RBFOX1: variants seen among roughly 807,000 people sequenced by gnomAD.
RBFOX1 encodes RNA binding protein fox-1 homolog 1.
A neutral mutation model predicts 57.7 loss-of-function variants in RBFOX1; 8 were observed. That is an observed-to-expected ratio of 0.14 (90% CI 0.08 to 0.25). The LOEUF (loss-of-function observed/expected upper bound fraction) is 0.25, where lower values mean the gene tolerates loss of function less well. Ranked by LOEUF, RBFOX1 falls within the 10% of genes least tolerant of loss-of-function variation. RBFOX1 has a pLI of 1.00. For missense variants in RBFOX1, 611 were observed against 548.5 expected (o/e 1.11, Z -1.14); for synonymous variants, 326 against 222.4 (o/e 1.47, Z -4.15).
intron 4 of RBFOX1, among the ~76,000 whole-genome samples, chr16:5,917,354 T>C (rs2058728456): frequency 6.6e-6 from 1 of 152,238 alleles, no homozygotes; most frequent in Non-Finnish European, 1.5e-5. Context: ...CTAAGCACTT[T>C]ATGTGCATCT....
chr16:5,538,263 A>G (rs532121711), intron 2 of RBFOX1, among the ~76,000 whole-genome samples: 1 of 152,334 alleles, frequency 6.6e-6, no homozygotes, highest in East Asian at 1.9e-4. Flanking sequence ...GAAAAAGTCA[A>G]TAAGCCCTTT....
At chr16:5,280,095 T>C (rs370096497) in intron 1 of RBFOX1, among the ~76,000 whole-genome samples, 4 of 152,362 alleles carry the variant, frequency 2.6e-5, no homozygotes, top group African/African-American at 9.6e-5. Context: ...CCTTTTCTTA[T>C]GTTGAAGTGT....
chr16:6,311,788 A>G (rs1345946565), intron 1 of RBFOX1, among the ~76,000 whole-genome samples: 2 of 152,078 alleles, frequency 1.3e-5, no homozygotes, highest in Admixed American at 6.5e-5. Flanking sequence ...GAGGGCTTCT[A>G]TCTCCAATCT....
chr16:7,501,907 A>C (rs913029685), intron 4 of RBFOX1, among the ~76,000 whole-genome samples: 1 of 152,134 alleles, frequency 6.6e-6, no homozygotes, highest in Non-Finnish European at 1.5e-5. Context: ...TGTCTACCTT[A>C]TTCACCACTG....
chr16:6,780,533 T>C (rs943452615), intron 3 of RBFOX1, among the ~76,000 whole-genome samples: 166 of 129,318 alleles, frequency 1.3e-3, no homozygotes, highest in African/African-American at 4.9e-3. Context: ...TATATATTTA[T>C]ATATACATTT....
intron 4 of RBFOX1, among the ~76,000 whole-genome samples, chr16:7,461,900 C>G (rs1050461532): frequency 6.6e-6 from 1 of 152,158 alleles, no homozygotes; most frequent in Non-Finnish European, 1.5e-5. Context: ...CCTTGGTACC[C>G]ACTCCAGAGA....
chr16:7,272,955 C>T (rs573706255), intron 4 of RBFOX1, among the ~76,000 whole-genome samples: 29 of 136,552 alleles, frequency 2.1e-4, no homozygotes, highest in Non-Finnish European at 3.9e-4. Flanking sequence ...CTGCTTTCTT[C>T]CTTTTCCTTC....
At chr16:6,341,077 A>G (rs932568589) in intron 2 of RBFOX1, among the ~76,000 whole-genome samples, 3 of 152,208 alleles carry the variant, frequency 2.0e-5, no homozygotes, top group African/African-American at 7.2e-5. Flanking sequence ...GCATCAAATG[A>G]TCACAAATCA....
chr16:7,682,666 A>T (rs2075071622), intron 14 of RBFOX1, among the ~76,000 whole-genome samples: 1 of 151,430 alleles, frequency 6.6e-6, no homozygotes. Flanking sequence ...GAAATGAGTC[A>T]CTCATGCCTT....
chr16:7,150,281 G>C (rs756498616), intron 4 of RBFOX1, among the ~76,000 whole-genome samples: 3 of 152,140 alleles, frequency 2.0e-5, no homozygotes, highest in Non-Finnish European at 2.9e-5. Context: ...TACAACCTTG[G>C]CTGTGTCTCT....
intron 3 of RBFOX1, among the ~76,000 whole-genome samples, chr16:5,692,242 G>A (rs2050711104): frequency 1.3e-5 from 2 of 151,318 alleles, no homozygotes; most frequent in South Asian, 4.2e-4. Context: ...CAGATGCACA[G>A]AAGCTCCATT....
At chr16:5,687,670 G>T (rs538324547) in intron 3 of RBFOX1, among the ~76,000 whole-genome samples, 6 of 152,148 alleles carry the variant, frequency 3.9e-5, no homozygotes, top group Non-Finnish European at 8.8e-5. Flanking sequence ...GACCATTCCA[G>T]TCTGCCTGAT....
chr16:5,637,083 T>G (rs1021858213), intron 3 of RBFOX1, among the ~76,000 whole-genome samples: 7 of 152,222 alleles, frequency 4.6e-5, no homozygotes, highest in African/African-American at 1.4e-4. Context: ...CCTTATTATC[T>G]CTGCATCATT....
At chr16:7,709,647 G>A (rs1197847758) in intron 15 of RBFOX1, 2 of 1,527,386 alleles carry the variant, frequency 1.3e-6, no homozygotes, top group African/African-American at 1.4e-5. Flanking sequence ...AATAGAGAGG[G>A]GCACACTTTG....
intron 3 of RBFOX1, among the ~76,000 whole-genome samples, chr16:6,887,984 G>C (rs535233011): frequency 6.6e-6 from 1 of 151,894 alleles, no homozygotes; most frequent in African/African-American, 2.4e-5. Context: ...TTTTATTACT[G>C]CATCTTATTC....
At chr16:6,387,510 A>G (rs2092360482) in intron 2 of RBFOX1, among the ~76,000 whole-genome samples, 1 of 152,150 alleles carries the variant, frequency 6.6e-6, no homozygotes, top group Non-Finnish European at 1.5e-5. Context: ...GAGGTGTAAA[A>G]AAAATGAAGC....
chr16:6,897,762 C>T (rs112341401), intron 3 of RBFOX1, among the ~76,000 whole-genome samples: 3 of 152,158 alleles, frequency 2.0e-5, no homozygotes, highest in Admixed American at 6.5e-5. Context: ...TGTTACACTC[C>T]AGCCTTGGAT....
intron 2 of RBFOX1, among the ~76,000 whole-genome samples, chr16:6,359,819 T>C (rs1355848471): frequency 3.9e-5 from 6 of 152,166 alleles, no homozygotes; most frequent in African/African-American, 9.7e-5. Context: ...AAAAAAACTT[T>C]GGTGATATTA....
rs1037895285 is a variant in RBFOX1 at position 7,110,379 on chromosome 16, C to G, written c.27+58281C>G. ...CTGACTCTTAAAAAAAAGATCGTTC[C>G]CACTTTACAGTTGACTACATTGAGG... On this transcript the variant is annotated intron_variant, in intron 4 of 15. Transcript: ENST00000550418. Among the ~76,000 whole-genome samples, 5 of 142,758 alleles carry G rather than the reference C, an allele frequency of 3.5e-5. No individual in the cohort carries two copies. In the Admixed American group the frequency reaches 3.5e-4, roughly 10 times the overall value. 93.7% of individuals were successfully genotyped at this position (142,758 alleles called of 152,430 possible).
Sources: gnomAD v4.1 joint callset for allele counts (sites outside exome capture counted in the v4.1 genomes callset) on GRCh38, gnomAD v4.1.1 for gene constraint, MANE v1.5 for transcripts, NCBI Gene and HGNC (gene_info 2026-07-23, HGNC 2026-07-21) for gene names.